SMC1A: variants seen among roughly 807,000 people sequenced by gnomAD.
SMC1A encodes structural maintenance of chromosomes 1A, also known as structural maintenance of chromosomes protein 1A.
Under a neutral mutation model 94.5 loss-of-function variants are expected in SMC1A, and 4 were observed. The ratio of observed to expected loss-of-function variants is 0.04; its 90% CI spans 0.02 to 0.10. SMC1A has a LOEUF of 0.10. SMC1A is among the 10% of genes least tolerant of loss of function. The pLI is 1.00. For missense variants in SMC1A, 304 were observed against 989.0 expected, an observed-to-expected ratio of 0.31 and a Z score of 9.29; for synonymous variants, 345 against 347.7, an observed-to-expected ratio of 0.99 and a Z score of 0.09.
At chrX:53,420,046 A>C in intron 1 of SMC1A, among the ~76,000 whole-genome samples, 1 of 110,212 alleles carries the variant, frequency 9.1e-6, no homozygotes. Context: ...AAAGATGAAA[A>C]AAACCACAAT....
intron 3 of SMC1A, among the ~76,000 whole-genome samples, chrX:53,414,345 C>T (rs2075724424): frequency 9.0e-6 from 1 of 110,925 alleles, no homozygotes; most frequent in South Asian, 3.7e-4. Context: ...AAATTTCGGC[C>T]GACATCATAA....
chrX:53,406,071 G>C (rs2075690064), intron 9 of SMC1A, 115 bp from the exon 10 acceptor site: 1 of 679,171 alleles, frequency 1.5e-6, no homozygotes, highest in African/African-American at 2.1e-5. Flanking sequence ...GGAAGTGAAT[G>C]CAACTGTATT....
chrX:53,397,232 G>A, intron 16 of SMC1A, among the ~76,000 whole-genome samples: 1 of 111,695 alleles, frequency 9.0e-6, no homozygotes, highest in Non-Finnish European at 1.9e-5. Flanking sequence ...ATAGCCTTAT[G>A]TATAATGTTC....
chrX:53,403,598 C>T lies in SMC1A; in HGVS notation c.2388G>A (p.Lys796=). The T allele has an allele frequency of 8.3e-7, 1 of 1,207,335 alleles. No individual in the cohort carries two copies. The highest frequency in any genetic ancestry group is 1.1e-6 in the Non-Finnish European group (1 of 893,191). ...TGGCGATTTCATTCTGCCGTTTCAC[C>T]TTTTCTTCCTCAAACTCCCGGATGT... ...VRNIREFEEE[K]VKRQNEIAKK... The change falls in exon 15 of 25, where the codon AAG becomes AAA. Residue 796 remains lysine (K), a synonymous_variant. Coordinates refer to ENST00000322213, the MANE Select transcript of SMC1A (RefSeq NM_006306.4).
At chrX:53,416,302 CA>C (rs781824156) in intron 1 of SMC1A, among the ~76,000 whole-genome samples, 35 of 58,045 alleles carry the variant, frequency 6.0e-4, no homozygotes, top group African/African-American at 9.2e-4. Flanking sequence ...GACTCCATCT[CA>C]AAAAAAAAAA....
At chrX:53,408,634 C>A (rs1173418132) in intron 9 of SMC1A, among the ~76,000 whole-genome samples, 1 of 110,597 alleles carries the variant, frequency 9.0e-6, no homozygotes, top group Non-Finnish European at 1.9e-5. Flanking sequence ...CCAGTTAATA[C>A]ATGCCAAGGG....
chrX:53,384,849 G>C (rs982803411), intron 19 of SMC1A, among the ~76,000 whole-genome samples: 1 of 110,596 alleles, frequency 9.0e-6, no homozygotes, highest in Non-Finnish European at 1.9e-5. Flanking sequence ...GGAGGCTAAC[G>C]TGAGAAGACT....
At chrX:53,422,411 T>C (rs1556892326) in intron 1 of SMC1A, 81 bp downstream of exon 1, 23 of 683,444 alleles carry the variant, frequency 3.4e-5, no homozygotes, top group Non-Finnish European at 2.4e-6. Flanking sequence ...TCAGGTTACA[T>C]GGGCTGGGTT....
At position 53,387,130 on chromosome X, in the gene SMC1A, G is replaced by A. The variant is rs192426454; in HGVS notation, c.2974-3877C>T. ...TCTGCCTCAGCCTCCCGAGTAGCTA[G>A]GACTACAGGCGCCTGCCACCACGCC... On this transcript the variant is annotated intron_variant, in intron 19 of 24. Transcript: ENST00000322213. Among the ~76,000 whole-genome samples the A allele has an allele frequency of 8.0e-3, 892 of 111,475 alleles. 11 individuals carry two copies. Among genetic ancestry groups the A allele is most frequent in the African/African-American group, 0.028 (848 of 30,708 alleles).
At chrX:53,391,580 G>A (rs192292059) in intron 19 of SMC1A, among the ~76,000 whole-genome samples, 1 of 111,025 alleles carries the variant, frequency 9.0e-6, no homozygotes, top group African/African-American at 3.3e-5. Flanking sequence ...AGGCTACAGC[G>A]CACTGGTGTG....
At chrX:53,389,757 T>C (rs2075619965) in intron 19 of SMC1A, among the ~76,000 whole-genome samples, 2 of 109,867 alleles carry the variant, frequency 1.8e-5, no homozygotes, top group Admixed American at 2.0e-4. Context: ...AGATATGTAA[T>C]GGTTCTAATT....
At chrX:53,382,683 A>G (rs2075588942) in intron 20 of SMC1A, 23 bp from the exon 21 acceptor site, 4 of 1,207,690 alleles carry the variant, frequency 3.3e-6, no homozygotes, top group Middle Eastern at 2.6e-4. Flanking sequence ...AAGACAGGAG[A>G]CCCCTCAGTG....
chrX:53,380,255 G>C (rs1466389643), intron 24 of SMC1A, 69 bp from the exon 25 acceptor site: 2 of 803,533 alleles, frequency 2.5e-6, no homozygotes, highest in Non-Finnish European at 1.9e-6. Flanking sequence ...TAGTGCCCCA[G>C]GACCAGGGGC....
Position 53,379,532 on chromosome X carries a change from G to A in SMC1A, c.*571C>T, listed in dbSNP as rs782796631. 4 of 115,116 alleles carry A rather than the reference G, an allele frequency of 3.5e-5. No individual in the cohort carries two copies. Among genetic ancestry groups the A allele is most frequent in the African/African-American group, 1.3e-4 (4 of 30,881 alleles). 9.5% of individuals were successfully genotyped at this position (115,116 alleles called of 1,213,427 possible). ...GAGCCTGACAAATAGAGGGTGTTCG[G>A]TATGTGTCTGATGAATACATAAATG... On this transcript the variant is annotated 3_prime_UTR_variant, in exon 25 of 25. Coordinates refer to ENST00000322213, the MANE Select transcript of SMC1A (RefSeq NM_006306.4).
At chrX:53,387,255 A>G (rs1235389335) in intron 19 of SMC1A, among the ~76,000 whole-genome samples, 3 of 112,061 alleles carry the variant, frequency 2.7e-5, no homozygotes, top group Non-Finnish European at 5.6e-5. Context: ...TCGGCCTCCC[A>G]AAGTGCTGGG....
chrX:53,415,295 G>A, intron 1 of SMC1A, 126 bp from the exon 2 acceptor site: 2 of 563,293 alleles, frequency 3.6e-6, no homozygotes, highest in East Asian at 3.5e-5. Flanking sequence ...TGGGAAGAGA[G>A]ACTACTCCTC....
At chrX:53,421,514 G>C (rs1732509353) in intron 1 of SMC1A, among the ~76,000 whole-genome samples, 1 of 111,907 alleles carries the variant, frequency 8.9e-6, no homozygotes, top group Non-Finnish European at 1.9e-5. Context: ...GAAGAATACA[G>C]CAGGATTCCA....
In SMC1A at chrX:53,381,065, C is replaced by A; in HGVS notation, c.3460G>T (p.Val1154Phe). 8.3e-7 allele frequency: 1 copy of A among 1,206,653 alleles called. No homozygotes were observed. Among genetic ancestry groups the A allele is most frequent in the Non-Finnish European group, 1.1e-6 (1 of 892,610 alleles). The change falls in exon 23 of 25, where the codon GTC (valine) becomes TTC (phenylalanine). Residue 1154 changes from valine to phenylalanine, a missense_variant. By Grantham distance (50) the Val-to-Phe change is conservative. Around this residue, in one of 11 missense-constraint regions of SMC1A, gnomAD observed 4 missense variants for 58.5 expected, o/e 0.07. Transcript: ENST00000322213. The part of the protein sequence containing the change: ...IHSYKPAPFF[V>F]LDEIDAALDN... The stretch of plus-strand genomic sequence containing the variant: ...AAGGCAGCATCAATCTCATCCAGGA[C>A]GAAGAAGGGGGCTGGCTTGTAGCTG...
At position 53,379,484 on chromosome X, in the gene SMC1A, T is replaced by G. The variant is rs1285325553; in HGVS notation, c.*619A>C. 1 of 113,903 alleles carries G rather than the reference T, an allele frequency of 8.8e-6. No homozygotes were observed. The highest frequency in any genetic ancestry group is 1.8e-5 in the Non-Finnish European group (1 of 54,364). 9.4% of individuals were successfully genotyped at this position (113,903 alleles called of 1,213,427 possible). ...CTAGGAGGGTAGAGATCATGTCTGA[T>G]TCAACTCTGTATTCCAAGCACAGAG... On this transcript the variant is annotated 3_prime_UTR_variant, in exon 25 of 25. Transcript: ENST00000322213.
Sources: gnomAD v4.1 joint callset for allele counts (sites outside exome capture counted in the v4.1 genomes callset) on GRCh38, gnomAD v4.1.1 for gene constraint, gnomAD v4.1.1 regional missense constraint, MANE v1.5 for transcripts, NCBI Gene and HGNC (gene_info 2026-07-23, HGNC 2026-07-21) for gene names.